Variants in DTX1 observed in about 807,000 individuals in gnomAD.
DTX1 encodes the protein deltex E3 ubiquitin ligase 1.
A neutral mutation model predicts 57.8 loss-of-function variants in DTX1; 26 were observed. That is an observed-to-expected ratio of 0.45 (90% CI 0.33 to 0.62). The LOEUF is 0.62. DTX1 is among the 20% of genes least tolerant of loss of function. The pLI is 0.02. For missense variants in DTX1, 704 were observed against 895.3 expected (o/e 0.79, Z 2.73); for synonymous variants, 398 against 394.1 (o/e 1.01, Z -0.12).
intron 8 of DTX1, 36 bp downstream of exon 8, chr12:113,095,239 C>G (rs544474557): frequency 6.2e-6 from 10 of 1,606,020 alleles, no homozygotes; most frequent in Non-Finnish European, 8.5e-6. Flanking sequence ...CCCCCAGCCC[C>G]CACACCCCTC....
intron 3 of DTX1, among the ~76,000 whole-genome samples, chr12:113,082,493 TG>T (rs1452381000): frequency 6.6e-6 from 1 of 152,090 alleles, no homozygotes; most frequent in East Asian, 1.9e-4. Context: ...GGGATGGAGG[TG>T]GGGGGTCTTT....
chr12:113,094,992 G>A, intron 7 of DTX1, 45 bp downstream of exon 7: 1 of 1,606,038 alleles, frequency 6.2e-7, no homozygotes, highest in East Asian at 2.2e-5. Context: ...AGGGAACGGA[G>A]TGGGGTTTGG....
chr12:113,059,356 G>A (rs145722018), intron 2 of DTX1, among the ~76,000 whole-genome samples: 63 of 152,238 alleles, frequency 4.1e-4, no homozygotes, highest in African/African-American at 1.3e-3. Context: ...GGCAGTCTTC[G>A]TGGCCATGTG....
In DTX1 at chr12:113,097,248, T is replaced by G; in HGVS notation, c.*309T>G. The stretch of plus-strand genomic sequence containing the variant: ...TTGAACTCATGCACGCACACCCACG[T>G]GCCTGTACTTGCCCCCAGGCTGGAA... On this transcript the variant is annotated 3_prime_UTR_variant, in exon 10 of 10. Coordinates refer to ENST00000548759, the MANE Select transcript of DTX1 (RefSeq NM_004416.3). The G allele has an allele frequency of 3.1e-6, 1 of 324,130 alleles. No homozygotes were observed. The highest frequency in any genetic ancestry group is 6.6e-5 in the East Asian group (1 of 15,226). 20.1% of individuals were successfully genotyped at this position (324,130 alleles called of 1,614,324 possible).
At chr12:113,057,406 G>C (rs1592838565) in intron 1 of DTX1, 43 bp from the exon 2 acceptor site, 1 of 152,484 alleles carries the variant, frequency 6.6e-6, no homozygotes, top group East Asian at 1.9e-4. Flanking sequence ...GGGGTGCTGC[G>C]CTCTCCTCTT....
intron 3 of DTX1, among the ~76,000 whole-genome samples, chr12:113,080,608 T>C (rs996160072): frequency 6.6e-6 from 1 of 151,892 alleles, no homozygotes; most frequent in African/African-American, 2.4e-5. Context: ...TGGAATGGAA[T>C]GGAATGGAAC....
chr12:113,070,867 T>C (rs535086131), intron 2 of DTX1, among the ~76,000 whole-genome samples: 1 of 152,326 alleles, frequency 6.6e-6, no homozygotes, highest in Non-Finnish European at 1.5e-5. Context: ...TCTCCGGGCC[T>C]CAGTTTCCTC....
In DTX1 at chr12:113,077,932, C is replaced by T. The variant is rs2136059414; in HGVS notation, c.768C>T (p.Ala256=). 1 of 1,134,220 alleles carries T rather than the reference C, an allele frequency of 8.8e-7. No individual in the cohort carries two copies. Among genetic ancestry groups the T allele is most frequent in the Non-Finnish European group, 1.1e-6 (1 of 927,794 alleles). The allele number at this position is 1,134,220 out of a possible 1,614,324, so 70.3% of individuals were successfully genotyped here. A position where few individuals can be genotyped will look rare whatever the true frequency, so the allele number is the denominator to read the frequency against. Residue 256 remains alanine, a synonymous_variant, in exon 3 of 10, where the codon GCC becomes GCT. Coordinates refer to ENST00000548759, the MANE Select transcript of DTX1 (RefSeq NM_004416.3). This position sits in a 1 kb window ranked among gnomAD's most constrained non-coding sequence, Gnocchi z 7.8. ...AVRPSATFTG[A]ALWAAPAAGP... is the part of the protein sequence containing the mutation. The stretch of plus-strand genomic sequence containing the variant: ...GCCCCAGCGCCACCTTCACAGGCGC[C>T]GCGCTCTGGGCAGCGCCCGCCGCCG...
At chr12:113,085,044 G>A (rs1375731150) in intron 3 of DTX1, among the ~76,000 whole-genome samples, 1 of 144,698 alleles carries the variant, frequency 6.9e-6, no homozygotes, top group Non-Finnish European at 1.5e-5. Context: ...GATTTCTCAG[G>A]CCCGTACCCT....
At chr12:113,089,014 A>G (rs542824757) in intron 3 of DTX1, among the ~76,000 whole-genome samples, 15 of 152,338 alleles carry the variant, frequency 9.8e-5, no homozygotes, top group Admixed American at 7.2e-4. Context: ...GATCTTGTCT[A>G]TAAATAAATA....
intron 9 of DTX1, among the ~76,000 whole-genome samples, chr12:113,095,990 G>A (rs966136415): frequency 2.0e-5 from 3 of 152,112 alleles, no homozygotes; most frequent in Admixed American, 2.0e-4. Context: ...GGCAGATCAC[G>A]AGATCAGGAG....
At chr12:113,079,974 T>G (rs2044804958) in intron 3 of DTX1, among the ~76,000 whole-genome samples, 1 of 152,124 alleles carries the variant, frequency 6.6e-6, no homozygotes, top group Middle Eastern at 3.2e-3. Flanking sequence ...GAAAACGCTG[T>G]GTACCTGAAC....
Position 113,093,476 on chromosome 12 carries a change from C to A in DTX1, c.1004-63C>A. 2.7e-6 allele frequency: 4 copies of A among 1,456,640 alleles called. No homozygotes were observed. Among genetic ancestry groups the A allele is most frequent in the Non-Finnish European group, 3.6e-6 (4 of 1,099,412 alleles). 90.2% of individuals were successfully genotyped at this position (1,456,640 alleles called of 1,614,324 possible). A position where few individuals can be genotyped will look rare whatever the true frequency, so the allele number is the denominator to read the frequency against. The stretch of plus-strand genomic sequence containing the variant: ...CCGAGGGCCCCGGGATTCCCAGGGC[C>A]AGTGGTCGGGGGTTTGGGCGGGGAT... On this transcript the variant is annotated intron_variant, in intron 4 of 9. Coordinates refer to ENST00000548759, the MANE Select transcript of DTX1 (RefSeq NM_004416.3). The surrounding 1 kb of genome is among the most constrained non-coding windows in gnomAD (Gnocchi z 4.2).
At chr12:113,091,638 A>C (rs904966405) in intron 3 of DTX1, among the ~76,000 whole-genome samples, 1 of 127,834 alleles carries the variant, frequency 7.8e-6, no homozygotes, top group Non-Finnish European at 1.9e-5. Flanking sequence ...GTGTGTCTGC[A>C]CCCACTGCAG....
At chr12:113,081,259 G>A (rs1260893637) in intron 3 of DTX1, among the ~76,000 whole-genome samples, 1 of 152,122 alleles carries the variant, frequency 6.6e-6, no homozygotes, top group Admixed American at 6.5e-5. Context: ...AACCCGGGAG[G>A]TGGAGGTTGC....
At chr12:113,078,141 C>A (rs1395108909) in intron 3 of DTX1, 36 bp downstream of exon 3, 7 of 1,317,372 alleles carry the variant, frequency 5.3e-6, no homozygotes, top group South Asian at 3.6e-5. Context: ...GCCTCTGCGT[C>A]GTCCGCAGGC....
chr12:113,073,954 G>T (rs2044753366), intron 2 of DTX1, among the ~76,000 whole-genome samples: 1 of 152,194 alleles, frequency 6.6e-6, no homozygotes, highest in South Asian at 2.1e-4. Flanking sequence ...GTCACAGCCT[G>T]GCGCAGTGGC....
Position 113,066,543 on chromosome 12 carries a change from A to G in DTX1, c.259+8092A>G, listed in dbSNP as rs543863837. 2.0e-5 allele frequency among the ~76,000 whole-genome samples: 3 copies of G among 150,760 alleles called. No homozygotes were observed. In the South Asian group the frequency reaches 6.3e-4, roughly 32 times the overall value. ...ACTCCGTCTCAAAAAAAAAAAAAAGAATCGTAGTGGGTGGGGAGATTTGTG... is the reference window on the plus strand; with the variant it reads ...ACTCCGTCTCAAAAAAAAAAAAAAGGATCGTAGTGGGTGGGGAGATTTGTG... On this transcript the variant is annotated intron_variant, in intron 2 of 9. Coordinates refer to ENST00000548759, the MANE Select transcript of DTX1 (RefSeq NM_004416.3).
chr12:113,072,241 A>G (rs1402051064), intron 2 of DTX1, among the ~76,000 whole-genome samples: 1 of 152,216 alleles, frequency 6.6e-6, no homozygotes, highest in Non-Finnish European at 1.5e-5. Context: ...TGGTGCTCCA[A>G]ACATAGTTGC....
Sources: allele counts gnomAD v4.1 joint callset (sites outside exome capture counted in the v4.1 genomes callset), GRCh38; gene constraint gnomAD v4.1.1; non-coding constraint Gnocchi (gnomAD v3.1); transcripts MANE v1.5; gene names NCBI Gene and HGNC (gene_info 2026-07-23, HGNC 2026-07-21).